The following RNF13 variants were observed in gnomAD, a reference collection of about 807,000 sequenced individuals.
The protein encoded by RNF13 is E3 ubiquitin-protein ligase RNF13.
A neutral mutation model predicts 37.7 loss-of-function variants in RNF13; 19 were observed. That is an observed-to-expected ratio of 0.50 (90% CI 0.35 to 0.74). The LOEUF (loss-of-function observed/expected upper bound fraction) is 0.74. Among genes scored for constraint, RNF13 ranks in the 30% least tolerant of loss-of-function variants. RNF13 has a pLI of 0.01. For missense variants in RNF13, 375 were observed against 453.0 expected, an observed-to-expected ratio of 0.83 and a Z score of 1.56; for synonymous variants, 144 against 157.8, an observed-to-expected ratio of 0.91 and a Z score of 0.65.
intron 8 of RNF13, among the ~76,000 whole-genome samples, chr3:149,955,680 A>G (rs1489916953): frequency 6.6e-6 from 1 of 152,222 alleles, no homozygotes; most frequent in Non-Finnish European, 1.5e-5. Context: ...CTAATGATGC[A>G]TCATCCCTAG....
chr3:149,941,224 G>T (rs1162890136), intron 8 of RNF13, among the ~76,000 whole-genome samples: 1 of 152,034 alleles, frequency 6.6e-6, no homozygotes, highest in African/African-American at 2.4e-5. Context: ...CCAGAAGTGG[G>T]ATTGCTGAAT....
At chr3:149,920,169 C>A (rs1717972738) in intron 7 of RNF13, among the ~76,000 whole-genome samples, 1 of 152,010 alleles carries the variant, frequency 6.6e-6, no homozygotes, top group African/African-American at 2.4e-5. Context: ...ATACAATTTG[C>A]AAATATTTTA....
chr3:149,894,906 A>G (rs1426078038), intron 4 of RNF13, among the ~76,000 whole-genome samples: 1 of 152,158 alleles, frequency 6.6e-6, no homozygotes, highest in Non-Finnish European at 1.5e-5. Context: ...AAATTCTGCC[A>G]CACATCCAAC....
chr3:149,951,672 T>C (rs958598723), intron 8 of RNF13, among the ~76,000 whole-genome samples: 1 of 152,206 alleles, frequency 6.6e-6, no homozygotes, highest in Non-Finnish European at 1.5e-5. Context: ...TTGCACCAAA[T>C]CAAAATTTGA....
chr3:149,872,977 TTA>T (rs1446268891), intron 4 of RNF13, among the ~76,000 whole-genome samples: 4 of 152,214 alleles, frequency 2.6e-5, no homozygotes, highest in African/African-American at 7.2e-5. Flanking sequence ...TGTTACTACT[TTA>T]TGTTAGTTCC....
intron 1 of RNF13, among the ~76,000 whole-genome samples, chr3:149,815,730 A>G (rs1232471389): frequency 1.3e-5 from 2 of 152,246 alleles, no homozygotes; most frequent in African/African-American, 2.4e-5. Context: ...ATTTGGGAAC[A>G]ACACAGCATA....
intron 4 of RNF13, among the ~76,000 whole-genome samples, chr3:149,885,317 T>G (rs989632278): frequency 1.3e-5 from 2 of 152,172 alleles, no homozygotes; most frequent in Non-Finnish European, 2.9e-5. Flanking sequence ...CCGTTCTCCC[T>G]AGTGATTGTG....
At chr3:149,899,981 G>A (rs945012596) in intron 5 of RNF13, among the ~76,000 whole-genome samples, 8 of 152,166 alleles carry the variant, frequency 5.3e-5, no homozygotes, top group African/African-American at 9.7e-5. Flanking sequence ...TATCTTTGTC[G>A]ATATGTACTT....
chr3:149,943,616 C>T (rs1238128846), intron 8 of RNF13, among the ~76,000 whole-genome samples: 2 of 152,054 alleles, frequency 1.3e-5, no homozygotes, highest in Non-Finnish European at 2.9e-5. Flanking sequence ...GACATGTGTC[C>T]ATCATTATAG....
intron 4 of RNF13, among the ~76,000 whole-genome samples, chr3:149,892,125 A>C (rs1236589958): frequency 1.3e-5 from 2 of 152,208 alleles, no homozygotes; most frequent in Non-Finnish European, 2.9e-5. Context: ...TTTGGAGATC[A>C]CACTTATGCC....
intron 1 of RNF13, among the ~76,000 whole-genome samples, chr3:149,817,954 T>A (rs1419841154): frequency 6.6e-6 from 1 of 152,228 alleles, no homozygotes; most frequent in Non-Finnish European, 1.5e-5. Flanking sequence ...GTAGGTTTCC[T>A]TTCTTGGAAG....
At chr3:149,840,083 T>C (rs1227200750) in intron 1 of RNF13, among the ~76,000 whole-genome samples, 2 of 152,212 alleles carry the variant, frequency 1.3e-5, no homozygotes, top group African/African-American at 4.8e-5. Flanking sequence ...AGAACTGGTT[T>C]AAAACAGTTT....
intron 1 of RNF13, among the ~76,000 whole-genome samples, chr3:149,818,361 A>G: frequency 6.6e-6 from 1 of 152,206 alleles, no homozygotes; most frequent in East Asian, 1.9e-4. Flanking sequence ...AATGAATACT[A>G]TACCAGATTG....
At chr3:149,868,495 T>A (rs1711594274) in intron 3 of RNF13, among the ~76,000 whole-genome samples, 1 of 151,496 alleles carries the variant, frequency 6.6e-6, no homozygotes, top group South Asian at 2.1e-4. Context: ...GGATGATAGG[T>A]TTCCTTTCTT....
intron 8 of RNF13, among the ~76,000 whole-genome samples, chr3:149,951,026 C>T (rs564856809): frequency 1.2e-4 from 19 of 152,152 alleles, no homozygotes; most frequent in Non-Finnish European, 2.5e-4. Flanking sequence ...TTGTTCAGAA[C>T]ATAATGCTTC....
At chr3:149,943,362 T>A (rs919523725) in intron 8 of RNF13, among the ~76,000 whole-genome samples, 1 of 152,014 alleles carries the variant, frequency 6.6e-6, no homozygotes, top group East Asian at 1.9e-4. Flanking sequence ...TGCACTAGAG[T>A]GGTCCATCTG....
At chr3:149,954,056 CA>C (rs1721613708) in intron 8 of RNF13, among the ~76,000 whole-genome samples, 1 of 152,074 alleles carries the variant, frequency 6.6e-6, no homozygotes, top group East Asian at 1.9e-4. Flanking sequence ...ATTTCAATAA[CA>C]GTAAGTTTGA....
At chr3:149,941,889 A>ATTTATTTATT in intron 8 of RNF13, among the ~76,000 whole-genome samples, 1 of 144,292 alleles carries the variant, frequency 6.9e-6, no homozygotes, top group Non-Finnish European at 1.5e-5. Flanking sequence ...GTCCAGCTTA[A>ATTTATTTATT]TATTTATTTA....
intron 1 of RNF13, among the ~76,000 whole-genome samples, chr3:149,825,955 CCT>C (rs1372397413): frequency 6.6e-6 from 1 of 152,128 alleles, no homozygotes; most frequent in East Asian, 1.9e-4. Context: ...CCTCCCTACC[CCT>C]CTTTGTATCT....
Sources: gnomAD v4.1 joint callset for allele counts (sites outside exome capture counted in the v4.1 genomes callset) on GRCh38, gnomAD v4.1.1 for gene constraint, MANE v1.5 for transcripts, NCBI Gene and HGNC (gene_info 2026-07-23, HGNC 2026-07-21) for gene names.